Variants in PHF24 observed in about 807,000 individuals in gnomAD.
PHF24 encodes the protein PHD finger protein 24.
Under a neutral mutation model 42.6 loss-of-function variants are expected in PHF24, and 25 were observed. The ratio of observed to expected loss-of-function variants is 0.59; its 90% confidence interval spans 0.43 to 0.82. PHF24 has a LOEUF of 0.82. Among genes scored for constraint, PHF24 ranks in the 40% least tolerant of loss-of-function variants. The probability of loss-of-function intolerance (pLI) is 0.00; values close to 1 mark genes in which losing one functional copy is unlikely to be tolerated. For missense variants in PHF24, 470 were observed against 538.1 expected, an observed-to-expected ratio of 0.87 and a Z score of 1.25; for synonymous variants, 185 against 204.8, an observed-to-expected ratio of 0.90 and a Z score of 0.83.
chr9:34,925,145 AT>A, the PHF24 span, among the ~76,000 whole-genome samples: 1 of 152,076 alleles, frequency 6.6e-6, no homozygotes, highest in South Asian at 2.1e-4. Flanking sequence ...GACTAGCAGG[AT>A]TTTTTTATTT....
the PHF24 span, among the ~76,000 whole-genome samples, chr9:34,945,686 C>G: frequency 2.2e-4 from 33 of 152,280 alleles, no homozygotes; most frequent in East Asian, 5.8e-3. Context: ...CCCTCTGTCT[C>G]CTGTACTCAC....
chr9:34,859,052 C>T, the PHF24 span, among the ~76,000 whole-genome samples: 1 of 152,182 alleles, frequency 6.6e-6, no homozygotes, highest in Non-Finnish European at 1.5e-5. Flanking sequence ...TTTCTGAGCA[C>T]ACATCTTGCC....
At chr9:34,728,581 G>A in the PHF24 span, 1 of 1,548,516 alleles carries the variant, frequency 6.5e-7, no homozygotes, top group Non-Finnish European at 8.7e-7. Context: ...ACAGTGGAAG[G>A]GAGTCAGAGG....
chr9:34,772,073 A>G, the PHF24 span, among the ~76,000 whole-genome samples: 25 of 152,226 alleles, frequency 1.6e-4, no homozygotes, highest in African/African-American at 6.0e-4. Flanking sequence ...TCAGCCTTAC[A>G]AAGGTTTCAG....
the PHF24 span, among the ~76,000 whole-genome samples, chr9:34,764,684 G>A: frequency 1.6e-3 from 250 of 152,044 alleles, no homozygotes; most frequent in African/African-American, 5.8e-3. Context: ...AGGGTTTTTT[G>A]TGTCTCTATT....
the PHF24 span, among the ~76,000 whole-genome samples, chr9:34,683,459 C>A: frequency 1.1e-4 from 17 of 152,220 alleles, no homozygotes; most frequent in Non-Finnish European, 2.5e-4. Context: ...AAGGGGAGAG[C>A]CCATCACCAG....
At chr9:34,811,762 C>A in the PHF24 span, among the ~76,000 whole-genome samples, 7 of 151,790 alleles carry the variant, frequency 4.6e-5, no homozygotes, top group South Asian at 1.5e-3. Context: ...GATTTTGATA[C>A]CAAAAGCATG....
chr9:34,893,079 C>T, the PHF24 span: 5 of 960,946 alleles, frequency 5.2e-6, no homozygotes, highest in Admixed American at 1.3e-4. Flanking sequence ...AGAGCCATAA[C>T]ATTGCAGATT....
At chr9:34,769,566 C>T in the PHF24 span, among the ~76,000 whole-genome samples, 1 of 152,104 alleles carries the variant, frequency 6.6e-6, no homozygotes, top group Non-Finnish European at 1.5e-5. Context: ...ATTAGACAAG[C>T]TGATTCTAAA....
chr9:34,754,744 A>G, the PHF24 span, among the ~76,000 whole-genome samples: 2 of 152,198 alleles, frequency 1.3e-5, no homozygotes. Context: ...TCAAAGAGGT[A>G]CCTGTACTCC....
At chr9:34,665,788 C>T in the PHF24 span, 1 of 643,160 alleles carries the variant, frequency 1.6e-6, no homozygotes, top group African/African-American at 1.8e-5. Flanking sequence ...GCTGATGCCC[C>T]CGAGAAGCCT....
chr9:34,717,153 C>T, the PHF24 span, among the ~76,000 whole-genome samples: 13 of 152,134 alleles, frequency 8.5e-5, no homozygotes, highest in African/African-American at 3.1e-4. Flanking sequence ...ATCACACCCA[C>T]CAGCATTATC....
chr9:34,690,105 T>A, the PHF24 span: 1 of 1,587,906 alleles, frequency 6.3e-7, no homozygotes, highest in Non-Finnish European at 8.6e-7. Context: ...TTCAGGGATT[T>A]CCTTGAAGGG....
the PHF24 span, among the ~76,000 whole-genome samples, chr9:34,769,617 TAAAAG>T: frequency 6.6e-6 from 1 of 152,164 alleles, no homozygotes; most frequent in Non-Finnish European, 1.5e-5. Context: ...GGAAAACTCT[TAAAAG>T]AAAGAACTAT....
chr9:34,946,807 G>A, the PHF24 span, among the ~76,000 whole-genome samples: 1 of 152,056 alleles, frequency 6.6e-6, no homozygotes, highest in African/African-American at 2.4e-5. Flanking sequence ...ATGAAATTTG[G>A]GAGAAGAAGA....
At chr9:34,880,016 A>G in the PHF24 span, among the ~76,000 whole-genome samples, 1 of 152,260 alleles carries the variant, frequency 6.6e-6, no homozygotes, top group Admixed American at 6.5e-5. Context: ...CAGAAACTCT[A>G]CAAGCCAGAA....
At chr9:34,851,146 A>G in the PHF24 span, among the ~76,000 whole-genome samples, 9 of 152,092 alleles carry the variant, frequency 5.9e-5, no homozygotes, top group Admixed American at 6.5e-5. Flanking sequence ...AGACAAGGAC[A>G]TTTAAGTCTG....
At chr9:34,690,399 T>C in the PHF24 span, 52 of 1,556,480 alleles carry the variant, frequency 3.3e-5, 1 homozygote, top group Non-Finnish European at 4.6e-5. Context: ...GGCATGGCCA[T>C]GGCCCTAGCT....
the PHF24 span, among the ~76,000 whole-genome samples, chr9:34,850,606 G>T: frequency 1.9e-4 from 29 of 152,140 alleles, no homozygotes; most frequent in Non-Finnish European, 3.7e-4. Context: ...TCAACTCGTC[G>T]AAGTCATTCT....
Sources: allele counts gnomAD v4.1 joint callset (sites outside exome capture counted in the v4.1 genomes callset), GRCh38; gene constraint gnomAD v4.1.1; transcripts MANE v1.5; gene names NCBI Gene and HGNC (gene_info 2026-07-23, HGNC 2026-07-21).